The following PHLDB2 variants were observed in gnomAD, a reference collection of about 807,000 sequenced individuals.
PHLDB2 encodes the protein pleckstrin homology like domain family B member 2, also known as pleckstrin homology-like domain family B member 2.
PHLDB2 carries 71 observed loss-of-function variants against 123.6 expected under a neutral mutation model. The ratio of observed to expected loss-of-function variants is 0.57; its 90% CI spans 0.47 to 0.70. The LOEUF is 0.70. Among genes scored for constraint, PHLDB2 ranks in the 30% least tolerant of loss-of-function variants. The pLI is 0.00. For synonymous variants in PHLDB2, 547 were observed against 541.6 expected (o/e 1.01, Z -0.14); for missense variants, 1,446 against 1,519.5 (o/e 0.95, Z 0.80).
chr3:111,945,097 G>A (rs2070208296), intron 8 of PHLDB2, among the ~76,000 whole-genome samples, 171 bp from the exon 9 acceptor site: 1 of 152,204 alleles, frequency 6.6e-6, no homozygotes, highest in Non-Finnish European at 1.5e-5. Flanking sequence ...TCAGCTAGCA[G>A]AAGATGACCT....
chr3:111,960,769 C>A (rs888839727), intron 12 of PHLDB2, among the ~76,000 whole-genome samples: 1 of 152,058 alleles, frequency 6.6e-6, no homozygotes, highest in African/African-American at 2.4e-5. Context: ...GTAATAACTC[C>A]CTGGGTAATG....
chr3:111,832,087 T>C (rs1326789011), intron 1 of PHLDB2, among the ~76,000 whole-genome samples: 1 of 152,084 alleles, frequency 6.6e-6, no homozygotes, highest in African/African-American at 2.4e-5. Context: ...ATCAACCACA[T>C]CTTCTCTGAG....
At chr3:111,819,486 T>C (rs570827639) in intron 1 of PHLDB2, among the ~76,000 whole-genome samples, 6 of 152,224 alleles carry the variant, frequency 3.9e-5, no homozygotes, top group Admixed American at 6.5e-5. Flanking sequence ...GCCAGAGATA[T>C]CTGACTACAC....
At chr3:111,840,744 G>A (rs1456747312) in intron 1 of PHLDB2, among the ~76,000 whole-genome samples, 3 of 152,032 alleles carry the variant, frequency 2.0e-5, no homozygotes, top group East Asian at 1.9e-4. Context: ...TCAATTAGAC[G>A]AACCTACTCA....
In PHLDB2 at chr3:111,940,593, A is replaced by G. The variant is rs2069805896; in HGVS notation, c.2345A>G (p.Glu782Gly). Residue 782 changes from glutamate to glycine, a missense_variant, in exon 8 of 18, where the codon GAG becomes GGG. By Grantham distance (98) the Glu-to-Gly change is moderately conservative. Around this residue, in one of 3 missense-constraint regions of PHLDB2, gnomAD observed 594 missense variants for 646.0 expected, o/e 0.92. Coordinates refer to ENST00000431670, the MANE Select transcript of PHLDB2 (RefSeq NM_001134438.2). The part of the protein sequence containing the change: ...ANHIVQQAQR[E>G]QDHFVKEKNN... The stretch of plus-strand genomic sequence containing the variant: ...CACATTGTTCAGCAGGCTCAGAGAG[A>G]GCAAGATCATTTTGTGAAAGAAAAG... 6.2e-7 allele frequency: 1 copy of G among 1,605,562 alleles called. No individual in the cohort carries two copies. The highest frequency in any genetic ancestry group is 1.1e-5 in the South Asian group (1 of 88,630).
intron 3 of PHLDB2, chr3:111,916,534 T>C (rs915975315): frequency 1.3e-5 from 2 of 152,238 alleles, no homozygotes; most frequent in African/African-American, 4.8e-5. Context: ...TGAAAAACAC[T>C]GTAAGTTGAC....
chr3:111,843,064 A>G (rs1310126861), intron 1 of PHLDB2, among the ~76,000 whole-genome samples: 1 of 152,228 alleles, frequency 6.6e-6, no homozygotes, highest in Non-Finnish European at 1.5e-5. Context: ...ATGAACATTT[A>G]CATATGAGTT....
At chr3:111,917,263 A>G (rs928687208) in intron 3 of PHLDB2, 12 of 152,242 alleles carry the variant, frequency 7.9e-5, no homozygotes, top group Admixed American at 7.2e-4. Flanking sequence ...TAAACTTTCT[A>G]AAAACTTTGA....
chr3:111,735,968 G>C (rs1941674423), intron 1 of PHLDB2, among the ~76,000 whole-genome samples: 1 of 152,146 alleles, frequency 6.6e-6, no homozygotes. Context: ...TCTAAATGTA[G>C]AAGAGTAAAA....
chr3:111,804,581 A>G (rs1160464783), intron 1 of PHLDB2, among the ~76,000 whole-genome samples: 1 of 152,208 alleles, frequency 6.6e-6, no homozygotes, highest in Non-Finnish European at 1.5e-5. Context: ...GTAATAATGG[A>G]GCTAAACCTC....
rs543814381 is a variant in PHLDB2 at position 111,884,830 on chromosome 3, C to G, written c.753C>G (p.Ala251=). The G allele has an allele frequency of 2.2e-5, 36 of 1,614,126 alleles. 1 individual carries two copies. In the South Asian group the frequency reaches 3.7e-4, roughly 17 times the overall value. Residue 251 remains alanine (A), a synonymous_variant, in exon 2 of 18, where the codon GCC becomes GCG. Coordinates refer to ENST00000431670, the MANE Select transcript of PHLDB2 (RefSeq NM_001134438.2). The stretch of plus-strand genomic sequence containing the variant: ...GCAGCAGCCTGAGTCACATGGGAGC[C>G]TACAGCCGATCACTTCCCAGGTTGT... ...YSSSSLSHMG[A]YSRSLPRLYR...
chr3:111,734,302 G>A (rs1327535391), intron 1 of PHLDB2, among the ~76,000 whole-genome samples: 2 of 152,176 alleles, frequency 1.3e-5, no homozygotes, highest in Non-Finnish European at 1.5e-5. Flanking sequence ...TGGCTAGGTC[G>A]GGCATGGCAA....
At chr3:111,962,066 G>T in intron 12 of PHLDB2, 42 bp from the exon 13 acceptor site, 1 of 1,560,534 alleles carries the variant, frequency 6.4e-7, no homozygotes, top group Non-Finnish European at 8.7e-7. Flanking sequence ...TTCAAAGACT[G>T]AAAAATGAGG....
chr3:111,779,567 T>A (rs1026947587), intron 1 of PHLDB2, among the ~76,000 whole-genome samples: 5 of 152,110 alleles, frequency 3.3e-5, no homozygotes, highest in African/African-American at 1.2e-4. Context: ...GTATCCATGT[T>A]GCTGCAAAAG....
At chr3:111,803,963 G>T (rs948052507) in intron 1 of PHLDB2, among the ~76,000 whole-genome samples, 2 of 152,064 alleles carry the variant, frequency 1.3e-5, no homozygotes, top group African/African-American at 2.4e-5. Context: ...AGTTGAAAAC[G>T]TCCTGTTTGA....
At chr3:111,943,951 T>TAAACA (rs765008850) in intron 8 of PHLDB2, among the ~76,000 whole-genome samples, 7 of 152,236 alleles carry the variant, frequency 4.6e-5, no homozygotes, top group East Asian at 1.9e-4. Context: ...TCCATAATAG[T>TAAACA]AAACAAAACA....
Position 111,967,720 on chromosome 3 carries a change from A to C in PHLDB2, c.3211A>C (p.Lys1071Gln), listed in dbSNP as rs2071871561. ...CAAAAAACGAGCCCTGGAAGAAGAAAAACGACGCCGGGAAATCCTGGAAAA... is the reference window on the plus strand; with the variant it reads ...CAAAAAACGAGCCCTGGAAGAAGAACAACGACGCCGGGAAATCCTGGAAAA... ...EAKKRALEEE[K>Q]RRREILEKRL... is the part of the protein sequence containing the mutation. Residue 1071 changes from lysine to glutamine, a missense_variant, in exon 15 of 18, where the codon AAA becomes CAA. By Grantham distance (53) the Lys-to-Gln change is moderately conservative. Transcript: ENST00000431670. 2 of 1,612,614 alleles carry C rather than the reference A, an allele frequency of 1.2e-6. No individual in the cohort carries two copies. Among genetic ancestry groups the C allele is most frequent in the Non-Finnish European group, 1.7e-6 (2 of 1,179,550 alleles).
At position 111,885,309 on chromosome 3, in the gene PHLDB2, A is replaced by G. The variant is rs761232469; in HGVS notation, c.1232A>G (p.Glu411Gly). The stretch of plus-strand genomic sequence containing the variant: ...GGAACCCCCCAGCCTGCCCTTCGGG[A>G]ACGGAAAAGCAGTATTAGCTCCATT... ...ASGTPQPALR[E>G]RKSSISSISG... Residue 411 changes from glutamate to glycine, a missense_variant, in exon 2 of 18, where the codon GAA (glutamate) becomes GGA (glycine). By Grantham distance (98) the Glu-to-Gly change is moderately conservative (BLOSUM62 -2). This residue lies in a region of PHLDB2 where 832 missense variants were observed against 831.9 expected (regional missense o/e 1.00). Coordinates refer to ENST00000431670, the MANE Select transcript of PHLDB2 (RefSeq NM_001134438.2). 2 of 1,614,058 alleles carry G rather than the reference A, an allele frequency of 1.2e-6. No individual in the cohort carries two copies. Among genetic ancestry groups the G allele is most frequent in the East Asian group, 4.5e-5 (2 of 44,892 alleles).
At chr3:111,907,190 G>A (rs1396618314) in intron 2 of PHLDB2, among the ~76,000 whole-genome samples, 1 of 152,136 alleles carries the variant, frequency 6.6e-6, no homozygotes, top group Non-Finnish European at 1.5e-5. Context: ...GACTCCAACC[G>A]CAAGTTCTGG....
Sources: gnomAD v4.1 joint callset for allele counts (sites outside exome capture counted in the v4.1 genomes callset) on GRCh38, gnomAD v4.1.1 for gene constraint, gnomAD v4.1.1 regional missense constraint, MANE v1.5 for transcripts, NCBI Gene and HGNC (gene_info 2026-07-23, HGNC 2026-07-21) for gene names.